The following NARF variants were observed in gnomAD, a reference collection of about 807,000 sequenced individuals.
NARF encodes nuclear prelamin A recognition factor.
NARF carries 41 observed loss-of-function variants against 48.0 expected under a neutral mutation model. The observed-to-expected ratio is 0.85, with a 90% CI of 0.66 to 1.11. The LOEUF (loss-of-function observed/expected upper bound fraction) is 1.11, where lower values mean the gene tolerates loss of function less well. NARF is among the 50% of genes least tolerant of loss of function. NARF has a pLI of 0.00. For synonymous variants in NARF, 215 were observed against 225.5 expected (o/e 0.95, Z 0.42); for missense variants, 613 against 590.2 (o/e 1.04, Z -0.40).
chr17:82,487,392 G>A (rs2044118925), intron 10 of NARF, among the ~76,000 whole-genome samples: 1 of 151,846 alleles, frequency 6.6e-6, no homozygotes, highest in Non-Finnish European at 1.5e-5. Context: ...ACTGAGGTGG[G>A]AGAATCGCTT....
chr17:82,458,799 TC>T lies in NARF; in HGVS notation c.-3del. The T allele has an allele frequency of 6.8e-7, 1 of 1,461,748 alleles. No homozygotes were observed. The highest frequency in any genetic ancestry group is 9.0e-7 in the Non-Finnish European group (1 of 1,114,124). 90.5% of individuals were successfully genotyped at this position (1,461,748 alleles called of 1,614,324 possible). On this transcript the variant is annotated 5_prime_UTR_variant, in exon 1 of 11. Transcript: ENST00000309794. The stretch of plus-strand genomic sequence containing the variant: ...GCGCCCGGCCTCCCGCCCGCCGCGC[TC>T]CAGATGAAGTGTGAGCACTGCACGC...
At chr17:82,474,868 G>A (rs1359280134) in intron 5 of NARF, among the ~76,000 whole-genome samples, 3 of 152,172 alleles carry the variant, frequency 2.0e-5, no homozygotes, top group South Asian at 2.1e-4. Context: ...ATGGGGACAG[G>A]GATGTTAGTG....
At chr17:82,484,640 A>G (rs1310465808) in intron 8 of NARF, 173 bp from the exon 9 acceptor site, 3 of 721,468 alleles carry the variant, frequency 4.2e-6, no homozygotes, top group East Asian at 6.5e-5. Flanking sequence ...GGCCCTCCCA[A>G]GACCCCTCAA....
chr17:82,474,603 C>G (rs920347698), intron 5 of NARF, among the ~76,000 whole-genome samples: 1 of 152,210 alleles, frequency 6.6e-6, no homozygotes, highest in African/African-American at 2.4e-5. Context: ...CGTTTCAGTT[C>G]TTAATTTATG....
At chr17:82,466,315 C>A (rs1281484062) in intron 3 of NARF, among the ~76,000 whole-genome samples, 2 of 152,086 alleles carry the variant, frequency 1.3e-5, no homozygotes, top group Admixed American at 6.6e-5. Context: ...AATTGTATCT[C>A]ATTTGCATTT....
chr17:82,478,483 C>G (rs1267496270), intron 5 of NARF: 3 of 454,746 alleles, frequency 6.6e-6, no homozygotes, highest in Non-Finnish European at 8.8e-6. Context: ...GCCTGGGCCG[C>G]TGCTCCTGCT....
rs551844403 is a variant in NARF at position 82,478,691 on chromosome 17, CT to C, written c.521-108del. The C allele has an allele frequency of 4.8e-4, 546 of 1,143,010 alleles. 9 individuals carry two copies. In the South Asian group the frequency reaches 6.4e-3, roughly 13 times the overall value. 70.8% of individuals were successfully genotyped at this position (1,143,010 alleles called of 1,614,324 possible). A position where few individuals can be genotyped will look rare whatever the true frequency, so the allele number is the denominator to read the frequency against. On this transcript the variant is annotated intron_variant, in intron 5 of 10. Transcript: ENST00000309794. The stretch of plus-strand genomic sequence containing the variant: ...TGGTAAGGCCTGGGGAAAAGGTGTT[CT>C]GGCTTCACCCTGGGGCGGCAGGGAC...
At chr17:82,459,818 G>A (rs1296784453) in intron 1 of NARF, among the ~76,000 whole-genome samples, 174 bp from the exon 2 acceptor site, 2 of 152,156 alleles carry the variant, frequency 1.3e-5, no homozygotes, top group African/African-American at 4.8e-5. Context: ...GCAGTGAGCC[G>A]AGATTGCGCC....
In NARF at chr17:82,476,182, A is replaced by G. The variant is rs189819760; in HGVS notation, c.521-2618A>G. On this transcript the variant is annotated intron_variant, in intron 5 of 10. Transcript: ENST00000309794. ...GCCACCATGCCCAGCTAATTTTTGT[A>G]TCTGTAGTAGAGACAGGGTTTTACC... 1.9e-3 allele frequency among the ~76,000 whole-genome samples: 285 copies of G among 152,162 alleles called. 4 individuals carry two copies. The highest frequency in any genetic ancestry group is 0.018 in the Admixed American group (273 of 15,284).
In NARF at chr17:82,481,070, C is replaced by T. The variant is rs761565195; in HGVS notation, c.640-12C>T. 14 of 1,613,924 alleles carry T rather than the reference C, an allele frequency of 8.7e-6. No homozygotes were observed. The highest frequency in any genetic ancestry group is 1.2e-5 in the Non-Finnish European group (14 of 1,179,986). On this transcript the variant is annotated splice_polypyrimidine_tract_variant and intron_variant, in intron 6 of 10. Coordinates refer to ENST00000309794, the MANE Select transcript of NARF (RefSeq NM_012336.4). ...TTCACCAGCCCTAAATATGGGTGCC[C>T]CTCTCCCACAGAACCTGTCTCCAGA... is the stretch of plus-strand genomic sequence containing the variant.
At position 82,487,611 on chromosome 17, in the gene NARF, G is replaced by A. The variant is rs575267692; in HGVS notation, c.1130-305G>A. 1.1e-4 allele frequency among the ~76,000 whole-genome samples: 17 copies of A among 152,134 alleles called. No individual in the cohort carries two copies. The East Asian group carries it at 2.1e-3, about 19-fold the overall frequency. ...AGCCTTAGGCCACACAACATTCCAC[G>A]TCCCCTTTATTCCTCTCCTGCTTCC... On this transcript the variant is annotated intron_variant, in intron 10 of 10. Transcript: ENST00000309794.
upstream of NARF, chr17:82,458,731 G>A (rs545519571): frequency 2.4e-3 from 3,502 of 1,451,648 alleles, 48 homozygotes; most frequent in African/African-American, 0.033. Context: ...CGCGGGCGGC[G>A]GGCAGTGGTG....
rs1403065912 is a variant in NARF, at chr17:82,481,091, C to T, written c.649C>T (p.Pro217Ser). The T allele has an allele frequency of 4.3e-6, 7 of 1,614,002 alleles. No individual in the cohort carries two copies. In the East Asian group the frequency reaches 6.7e-5, roughly 15 times the overall value. ...DYFARQQNLS[P>S]EKIFHVIVAP... ...TGCCCCTCTCCCACAGAACCTGTCT[C>T]CAGAGAAGATTTTCCACGTCATTGT... Residue 217 changes from proline to serine, a missense_variant, in exon 7 of 11, where the codon CCA (proline) becomes TCA (serine). Physicochemically the swap from Pro to Ser is moderately conservative, Grantham distance 74. Transcript: ENST00000309794.
At chr17:82,479,464 GC>G (rs1439093069) in intron 6 of NARF, among the ~76,000 whole-genome samples, 1 of 152,170 alleles carries the variant, frequency 6.6e-6, no homozygotes, top group Admixed American at 6.5e-5. Flanking sequence ...GCTCCTGCGT[GC>G]CCCCTGCCTC....
intron 4 of NARF, among the ~76,000 whole-genome samples, chr17:82,470,192 T>C (rs1567934134): frequency 2.0e-5 from 3 of 152,204 alleles, no homozygotes; most frequent in Non-Finnish European, 2.9e-5. Flanking sequence ...ATGCTCCCTG[T>C]GCCCTAGGCG....
At chr17:82,483,465 T>A in intron 7 of NARF, 1 of 471,438 alleles carries the variant, frequency 2.1e-6, no homozygotes. Flanking sequence ...AGAGATTGTT[T>A]ACATAAATCC....
chr17:82,461,258 C>T (rs1045931635), intron 2 of NARF, among the ~76,000 whole-genome samples: 2 of 151,936 alleles, frequency 1.3e-5, no homozygotes, highest in Non-Finnish European at 2.9e-5. Flanking sequence ...TTAAATTCTC[C>T]TTAGCTAGTA....
At chr17:82,473,633 GA>G (rs1342026917) in intron 5 of NARF, among the ~76,000 whole-genome samples, 6 of 152,008 alleles carry the variant, frequency 3.9e-5, no homozygotes, top group Admixed American at 3.9e-4. Context: ...TTACAGGCGT[GA>G]GCCACTGTGC....
chr17:82,485,697 G>A (rs769506827), intron 10 of NARF, 43 bp downstream of exon 10: 1 of 1,608,330 alleles, frequency 6.2e-7, no homozygotes, highest in Non-Finnish European at 8.5e-7. Flanking sequence ...TCCCACGGGT[G>A]CTCAGGCCAC....
Sources: allele counts gnomAD v4.1 joint callset (sites outside exome capture counted in the v4.1 genomes callset), GRCh38; gene constraint gnomAD v4.1.1; transcripts MANE v1.5; gene names NCBI Gene and HGNC (gene_info 2026-07-23, HGNC 2026-07-21).